The following F8 variants were observed in gnomAD, a reference collection of about 807,000 sequenced individuals.
The protein encoded by F8 is antihemophilic factor.
In F8, 12 loss-of-function variants were observed where a neutral mutation model predicts 140.6. That is an observed-to-expected ratio of 0.09 (90% CI 0.05 to 0.14). The LOEUF (loss-of-function observed/expected upper bound fraction) is 0.14, where lower values mean the gene tolerates loss of function less well. F8 is among the 10% of genes least tolerant of loss of function. The pLI is 1.00. For synonymous variants in F8, 585 were observed against 614.6 expected (o/e 0.95, Z 0.71); for missense variants, 1,354 against 1,720.7 (o/e 0.79, Z 3.77).
intron 4 of F8, among the ~76,000 whole-genome samples, chrX:154,988,729 A>G (rs782489597): frequency 1.8e-5 from 2 of 112,016 alleles, no homozygotes; most frequent in African/African-American, 6.5e-5. Context: ...TTCAGTTCCT[A>G]TTCTAGGACT....
chrX:154,894,771 G>T (rs1557275502), intron 22 of F8, among the ~76,000 whole-genome samples: 1 of 100,303 alleles, frequency 1.0e-5, no homozygotes, highest in African/African-American at 3.8e-5. Context: ...CTTGAAACAT[G>T]CTGTAAGGAA....
chrX:154,937,088 T>C (rs1557279294), intron 13 of F8, among the ~76,000 whole-genome samples: 1 of 111,334 alleles, frequency 9.0e-6, no homozygotes, highest in East Asian at 2.8e-4. Flanking sequence ...TAAAGGGAAA[T>C]TTATGCTTTG....
intron 5 of F8, among the ~76,000 whole-genome samples, chrX:154,986,123 G>T (rs2073557387): frequency 8.9e-6 from 1 of 111,906 alleles, no homozygotes; most frequent in Non-Finnish European, 1.9e-5. Context: ...GAGGGAGACA[G>T]ATTTTTCCAG....
At chrX:154,950,854 T>G (rs2073333979) in intron 12 of F8, among the ~76,000 whole-genome samples, 1 of 112,449 alleles carries the variant, frequency 8.9e-6, no homozygotes, top group African/African-American at 3.2e-5. Flanking sequence ...GCTTCTTTTT[T>G]GTTGTTGCTT....
intron 22 of F8, among the ~76,000 whole-genome samples, chrX:154,875,537 A>AT (rs1237598891): frequency 8.9e-6 from 1 of 111,957 alleles, no homozygotes; most frequent in African/African-American, 3.2e-5. Context: ...CTAAATAAAG[A>AT]TTTTTTAAAA....
At chrX:154,842,315 ATTG>A (rs1198557645) in intron 25 of F8, among the ~76,000 whole-genome samples, 1 of 110,670 alleles carries the variant, frequency 9.0e-6, no homozygotes, top group Non-Finnish European at 1.9e-5. Context: ...TATTCTCTCT[ATTG>A]TATGTTTCTT....
chrX:154,999,868 A>G (rs782671089), intron 1 of F8, among the ~76,000 whole-genome samples: 2 of 112,437 alleles, frequency 1.8e-5, no homozygotes, highest in Admixed American at 1.9e-4. Flanking sequence ...GCATCCTTCA[A>G]TTTCATCTCT....
intron 1 of F8, among the ~76,000 whole-genome samples, chrX:155,007,535 G>T (rs1451184980): frequency 1.8e-5 from 2 of 112,122 alleles, no homozygotes; most frequent in Non-Finnish European, 3.8e-5. Context: ...TAGGAATGGG[G>T]TCACATAGCA....
intron 25 of F8, among the ~76,000 whole-genome samples, chrX:154,853,138 C>T (rs1224106996): frequency 9.0e-6 from 1 of 110,984 alleles, no homozygotes; most frequent in South Asian, 3.7e-4. Context: ...TTTTAGTGGA[C>T]AAGACTTGCA....
chrX:154,931,635 T>C lies in F8; in HGVS notation c.2155A>G (p.Arg719Gly), dbSNP rs1228481606. The part of the protein sequence containing the change: ...LGCHNSDFRN[R>G]GMTALLKVSS... ...ACCTTCAGTAAGGCGGTCATGCCTC[T>C]GTTCCGAAAGTCTGAGTTGTGGCAC... Residue 719 changes from arginine (R) to glycine (G), a missense_variant, in exon 14 of 26, where the codon AGA becomes GGA. This residue lies in a region of F8 where 252 missense variants were observed against 338.5 expected (regional missense o/e 0.74). Transcript: ENST00000360256. 8.3e-7 allele frequency: 1 copy of C among 1,210,192 alleles called. No individual in the cohort carries two copies. The highest frequency in any genetic ancestry group is 2.2e-5 in the Admixed American group (1 of 45,757).
intron 7 of F8, among the ~76,000 whole-genome samples, chrX:154,968,253 T>G (rs1368524049): frequency 4.5e-5 from 5 of 111,488 alleles, no homozygotes; most frequent in African/African-American, 1.6e-4. Context: ...GTGGATTTGT[T>G]ATCACAGGAG....
Position 154,997,115 on chromosome X carries a change from G to A in F8, c.266-20C>T, listed in dbSNP as rs782594572. ...GCAGACCTGTAAGAATGAGATGTCC[G>A]CCAAAGGTTACTTGGGGATAGTACT... is the stretch of plus-strand genomic sequence containing the variant. On this transcript the variant is annotated intron_variant, in intron 2 of 25. Transcript: ENST00000360256. 39 of 1,208,784 alleles carry A rather than the reference G, an allele frequency of 3.2e-5. No homozygotes were observed. The Middle Eastern group carries it at 1.1e-3, about 35-fold the overall frequency.
At chrX:154,866,888 AT>A (rs2072735437) in intron 22 of F8, among the ~76,000 whole-genome samples, 1 of 111,736 alleles carries the variant, frequency 8.9e-6, no homozygotes, top group Non-Finnish European at 1.9e-5. Flanking sequence ...TAAAAAAACA[AT>A]TGGAAATAAC....
chrX:154,860,808 C>T (rs1431443696), intron 24 of F8, among the ~76,000 whole-genome samples, 200 bp from the exon 25 acceptor site: 1 of 111,581 alleles, frequency 9.0e-6, no homozygotes, highest in Non-Finnish European at 1.9e-5. Context: ...AACCGATTCT[C>T]CTGCCTCAGC....
intron 5 of F8, 44 bp from the exon 6 acceptor site, chrX:154,984,847 C>T (rs1557284072): frequency 1.0e-6 from 1 of 1,003,691 alleles, no homozygotes. Context: ...AAGCATGTGT[C>T]TCATGAATGA....
rs1284472295 is a variant in F8 at position 154,930,932 on chromosome X, C to T, written c.2858G>A (p.Gly953Glu). Reference sequence around the variant, plus strand: ...ATTTTCTTCACTCAAGCTCAGAGGTCCACCAGACTCAGTAAGGGGAGATGA... The same window carrying T: ...ATTTTCTTCACTCAAGCTCAGAGGTTCACCAGACTCAGTAAGGGGAGATGA... ...KKSSPLTESG[G>E]PLSLSEENND... The change falls in exon 14 of 26, where the codon GGA becomes GAA. Residue 953 changes from glycine (G) to glutamate (E), a missense_variant. Coordinates refer to ENST00000360256, the MANE Select transcript of F8 (RefSeq NM_000132.4). 8.4e-7 allele frequency: 1 copy of T among 1,195,037 alleles called. No homozygotes were observed. The highest frequency in any genetic ancestry group is 1.1e-6 in the Non-Finnish European group (1 of 888,844).
chrX:155,014,063 G>A (rs2073722714), intron 1 of F8, among the ~76,000 whole-genome samples: 1 of 111,330 alleles, frequency 9.0e-6, no homozygotes, highest in Admixed American at 9.5e-5. Context: ...AGTCCATAGC[G>A]AAAATATTAC....
intron 25 of F8, among the ~76,000 whole-genome samples, chrX:154,854,993 G>A (rs2072641547): frequency 9.0e-6 from 1 of 111,162 alleles, no homozygotes; most frequent in Non-Finnish European, 1.9e-5. Flanking sequence ...TTAGGCAGGT[G>A]CCTGTAATCC....
intron 13 of F8, among the ~76,000 whole-genome samples, chrX:154,942,311 G>A (rs1417218888): frequency 9.0e-6 from 1 of 110,952 alleles, no homozygotes; most frequent in Non-Finnish European, 1.9e-5. Context: ...TCAAATAGAT[G>A]CAATAAAAAA....
Sources: gnomAD v4.1 joint callset for allele counts (sites outside exome capture counted in the v4.1 genomes callset) on GRCh38, gnomAD v4.1.1 for gene constraint, gnomAD v4.1.1 regional missense constraint, MANE v1.5 for transcripts, NCBI Gene and HGNC (gene_info 2026-07-23, HGNC 2026-07-21) for gene names.